The following SNX18 variants were observed in gnomAD, a reference collection of about 807,000 sequenced individuals.
SNX18 encodes sorting nexin-18.
In SNX18, 35 loss-of-function variants were observed where a neutral mutation model predicts 48.7. That is an observed-to-expected ratio of 0.72 (90% CI 0.55 to 0.95). SNX18 has a LOEUF of 0.95. Ranked by LOEUF, SNX18 falls within the 40% of genes least tolerant of loss-of-function variation. The pLI, the probability that SNX18 is intolerant of heterozygous loss-of-function variation, is 0.00. For missense variants in SNX18, 824 were observed against 871.0 expected, an observed-to-expected ratio of 0.95 and a Z score of 0.68; for synonymous variants, 492 against 384.7, an observed-to-expected ratio of 1.28 and a Z score of -3.26.
intron 1 of SNX18, among the ~76,000 whole-genome samples, chr5:54,541,308 G>T (rs1295541155): frequency 6.6e-6 from 1 of 152,158 alleles, no homozygotes. Flanking sequence ...GATTACAGGC[G>T]TGAGCCACCG....
chr5:54,600,781 A>T, the SNX18 span, among the ~76,000 whole-genome samples: 1 of 152,188 alleles, frequency 6.6e-6, no homozygotes, highest in South Asian at 2.1e-4. Flanking sequence ...GAACAATGGG[A>T]TCGCATGGAC....
chr5:54,540,867 A>T (rs1762455616), intron 1 of SNX18, among the ~76,000 whole-genome samples: 1 of 152,238 alleles, frequency 6.6e-6, no homozygotes, highest in South Asian at 2.1e-4. Flanking sequence ...GATTGAAATC[A>T]GATGAAAATA....
the SNX18 span, among the ~76,000 whole-genome samples, chr5:54,604,909 G>C: frequency 1.3e-5 from 2 of 152,106 alleles, no homozygotes; most frequent in African/African-American, 4.8e-5. Context: ...GCTGAGATCT[G>C]AATGTCAAGA....
the SNX18 span, among the ~76,000 whole-genome samples, chr5:54,579,448 G>C: frequency 6.6e-6 from 1 of 152,074 alleles, no homozygotes; most frequent in African/African-American, 2.4e-5. Context: ...AACTTTTTTG[G>C]TTAAATGGAA....
At chr5:54,617,730 C>CT in the SNX18 span, among the ~76,000 whole-genome samples, 3 of 151,718 alleles carry the variant, frequency 2.0e-5, no homozygotes, top group African/African-American at 4.8e-5. Context: ...CTCTCTTTTT[C>CT]TTTTTTTTAA....
At chr5:54,591,035 C>G in the SNX18 span, among the ~76,000 whole-genome samples, 1 of 152,086 alleles carries the variant, frequency 6.6e-6, no homozygotes. Context: ...TTCTTCCTTC[C>G]CCTGATGTCC....
the SNX18 span, among the ~76,000 whole-genome samples, chr5:54,588,387 G>A: frequency 7.8e-6 from 1 of 128,438 alleles, no homozygotes; most frequent in Non-Finnish European, 1.6e-5. Flanking sequence ...GAGTGCAGTG[G>A]CGTGATCTCA....
the SNX18 span, among the ~76,000 whole-genome samples, chr5:54,553,710 G>GCA: frequency 2.0e-5 from 3 of 152,166 alleles, no homozygotes; most frequent in African/African-American, 7.2e-5. Flanking sequence ...GTTTCTGGGT[G>GCA]CACACATCTG....
chr5:54,561,284 AC>A, the SNX18 span, among the ~76,000 whole-genome samples: 6 of 151,042 alleles, frequency 4.0e-5, no homozygotes, highest in African/African-American at 1.5e-4. Flanking sequence ...CAGGTGATCC[AC>A]CCGCCTCAGC....
intron 1 of SNX18, among the ~76,000 whole-genome samples, chr5:54,541,563 T>C (rs1762471087): frequency 6.7e-6 from 1 of 150,144 alleles, no homozygotes; most frequent in East Asian, 1.9e-4. Context: ...GGGGTCTTCC[T>C]CTGTCTAGCA....
chr5:54,570,126 T>C, the SNX18 span, among the ~76,000 whole-genome samples: 1 of 152,218 alleles, frequency 6.6e-6, no homozygotes, highest in Non-Finnish European at 1.5e-5. Context: ...ATCTAATGAC[T>C]GGTGTCCTTA....
chr5:54,563,955 A>G, the SNX18 span, among the ~76,000 whole-genome samples: 1 of 152,086 alleles, frequency 6.6e-6, no homozygotes, highest in Admixed American at 6.5e-5. Flanking sequence ...TTTCTTTTTC[A>G]ACTTAACATT....
the SNX18 span, among the ~76,000 whole-genome samples, chr5:54,587,238 A>G: frequency 2.0e-5 from 3 of 152,206 alleles, no homozygotes; most frequent in African/African-American, 7.2e-5. Flanking sequence ...GTATCTCAAA[A>G]AAAGAAGGGA....
At chr5:54,638,230 G>T in the SNX18 span, among the ~76,000 whole-genome samples, 2 of 152,254 alleles carry the variant, frequency 1.3e-5, no homozygotes, top group African/African-American at 4.8e-5. Context: ...TATAGTTAAT[G>T]GTACTTTCTG....
At position 54,545,931 on chromosome 5, in the gene SNX18, G is replaced by A. The variant is rs1347105231; in HGVS notation, c.*2499G>A. The A allele has an allele frequency of 6.6e-6, 1 of 152,056 alleles. No individual in the cohort carries two copies. Among genetic ancestry groups the A allele is most frequent in the Non-Finnish European group, 1.5e-5 (1 of 68,012 alleles). The allele number at this position is 152,056 out of a possible 1,614,324, so 9.4% of individuals were successfully genotyped here. ...ATATGTGATGTGTTTGTAACACAGG[G>A]TGTGCACTTGAGCCTGGTTTTACTG... On this transcript the variant is annotated 3_prime_UTR_variant, in exon 2 of 2. Coordinates refer to ENST00000381410, the MANE Select transcript of SNX18 (RefSeq NM_001102575.2).
At chr5:54,600,774 C>T in the SNX18 span, among the ~76,000 whole-genome samples, 1 of 152,040 alleles carries the variant, frequency 6.6e-6, no homozygotes, top group East Asian at 1.9e-4. Context: ...GGGAGCTGAA[C>T]AATGGGATCG....
Position 54,518,900 on chromosome 5 carries a change from C to A in SNX18, c.948C>A (p.Phe316Leu). 3 of 1,613,980 alleles carry A rather than the reference C, an allele frequency of 1.9e-6. No individual in the cohort carries two copies. Among genetic ancestry groups the A allele is most frequent in the Non-Finnish European group, 2.5e-6 (3 of 1,180,016 alleles). ...QVPVHRRYKH[F>L]DWLYARLAEK... ...CGGTGCATCGGCGCTACAAGCACTT[C>A]GACTGGCTGTACGCGCGCCTGGCGG... Residue 316 changes from phenylalanine to leucine, a missense_variant, in exon 1 of 2, where the codon TTC becomes TTA. Physicochemically the swap from Phe to Leu is conservative, Grantham distance 22. Coordinates refer to ENST00000381410, the MANE Select transcript of SNX18 (RefSeq NM_001102575.2).
At position 54,517,903 on chromosome 5, in the gene SNX18, C is replaced by T; in HGVS notation, c.-50C>T. 1 of 1,456,384 alleles carries T rather than the reference C, an allele frequency of 6.9e-7. No homozygotes were observed. The highest frequency in any genetic ancestry group is 1.5e-5 in the African/African-American group (1 of 67,562). The allele number at this position is 1,456,384 out of a possible 1,614,324, so 90.2% of individuals were successfully genotyped here. ...AGTACCGCGGGCCCCTCAGGTGGGC[C>T]TCGGCTCGGGACGCCGGGAGTCGGG... On this transcript the variant is annotated 5_prime_UTR_variant, in exon 1 of 2. Transcript: ENST00000381410.
At chr5:54,547,682 T>G (rs925580953), downstream of SNX18, among the ~76,000 whole-genome samples, 1 of 152,322 alleles carries the variant, frequency 6.6e-6, no homozygotes, top group East Asian at 1.9e-4. Context: ...TGCCAGATGT[T>G]ACCTTCCAGT....
Sources: gnomAD v4.1 joint callset for allele counts (sites outside exome capture counted in the v4.1 genomes callset) on GRCh38, gnomAD v4.1.1 for gene constraint, MANE v1.5 for transcripts, NCBI Gene and HGNC (gene_info 2026-07-23, HGNC 2026-07-21) for gene names.